Variants in MRTFB observed in about 807,000 individuals in gnomAD.
The protein encoded by MRTFB is myocardin related transcription factor B.
In MRTFB, 29 loss-of-function variants were observed where a neutral mutation model predicts 104.2. The observed-to-expected ratio is 0.28, with a 90% CI of 0.21 to 0.38. The LOEUF (loss-of-function observed/expected upper bound fraction) is 0.38. Ranked by LOEUF, MRTFB falls within the 10% of genes least tolerant of loss-of-function variation. The pLI, the probability that MRTFB is intolerant of heterozygous loss-of-function variation, is 1.00. For synonymous variants in MRTFB, 535 were observed against 519.5 expected, an observed-to-expected ratio of 1.03 and a Z score of -0.41; for missense variants, 1,270 against 1,341.6, an observed-to-expected ratio of 0.95 and a Z score of 0.83.
At chr16:14,234,412 TAAGCCATGCA>T in intron 9 of MRTFB, 129 bp downstream of exon 9, 1 of 1,109,650 alleles carries the variant, frequency 9.0e-7, no homozygotes. Flanking sequence ...TCTTAAAAAC[TAAGCCATGCA>T]AAGACTTGCT....
At chr16:14,228,975 A>G (rs979795242) in intron 8 of MRTFB, among the ~76,000 whole-genome samples, 5 of 152,244 alleles carry the variant, frequency 3.3e-5, no homozygotes, top group African/African-American at 1.2e-4. Context: ...GGGAACATGA[A>G]CAAGTCTGGA....
chr16:14,121,650 T>G (rs945698476), intron 2 of MRTFB, among the ~76,000 whole-genome samples: 1 of 152,172 alleles, frequency 6.6e-6, no homozygotes, highest in Non-Finnish European at 1.5e-5. Context: ...AGCGTTTTTG[T>G]TTTTGTTTTT....
chr16:14,011,119 C>G, the MRTFB span, among the ~76,000 whole-genome samples: 2 of 152,238 alleles, frequency 1.3e-5, no homozygotes, highest in Non-Finnish European at 2.9e-5. Context: ...CTTCCCTTTT[C>G]TGGTTTTCCC....
intron 2 of MRTFB, among the ~76,000 whole-genome samples, chr16:14,113,644 C>T (rs1187668761): frequency 1.3e-5 from 2 of 152,054 alleles, no homozygotes; most frequent in African/African-American, 4.8e-5. Flanking sequence ...GGAATTCCAG[C>T]TCCTAGCTCG....
intron 8 of MRTFB, among the ~76,000 whole-genome samples, chr16:14,231,877 T>C (rs2042284599): frequency 6.6e-6 from 1 of 152,184 alleles, no homozygotes; most frequent in Admixed American, 6.5e-5. Context: ...CTGGCAAAAT[T>C]AGAAGTTTTG....
chr16:14,130,101 G>A (rs920751568), intron 2 of MRTFB, among the ~76,000 whole-genome samples: 1 of 152,176 alleles, frequency 6.6e-6, no homozygotes, highest in African/African-American at 2.4e-5. Context: ...AAGGTGCTGG[G>A]ATTACTGGTG....
At position 14,263,095 on chromosome 16, in the gene MRTFB, C is replaced by A. The variant is rs2043830067; in HGVS notation, c.*1651C>A. The stretch of plus-strand genomic sequence containing the variant: ...CTTTTCCAGCATGAGCACACTGGAG[C>A]CCTCTGCTCACTGGCACTTCCTGAC... On this transcript the variant is annotated 3_prime_UTR_variant, in exon 17 of 17. Transcript: ENST00000571589. 3 of 152,430 alleles carry A rather than the reference C, an allele frequency of 2.0e-5. No homozygotes were observed. In the South Asian group the frequency reaches 6.2e-4, roughly 32 times the overall value. The allele number at this position is 152,430 out of a possible 1,614,324, so 9.4% of individuals were successfully genotyped here.
chr16:14,235,526 T>TA (rs1211887520), intron 9 of MRTFB, among the ~76,000 whole-genome samples: 3 of 152,236 alleles, frequency 2.0e-5, no homozygotes, highest in Non-Finnish European at 4.4e-5. Context: ...AGGAAGGCTT[T>TA]GGTTCTAGAG....
At chr16:14,017,711 A>ATATATATATATATT in the MRTFB span, among the ~76,000 whole-genome samples, 10 of 33,612 alleles carry the variant, frequency 3.0e-4, 1 homozygote, top group Admixed American at 4.1e-4. Context: ...ATATATATAT[A>ATATATATATATATT]TTTTTTTTTT....
At position 14,210,278 on chromosome 16, in the gene MRTFB, G is replaced by A; in HGVS notation, c.190G>A (p.Glu64Lys). Residue 64 changes from glutamate (E) to lysine (K), a missense_variant, in exon 4 of 17, where the codon GAA becomes AAA. By Grantham distance (56) the Glu-to-Lys change is moderately conservative. Transcript: ENST00000571589. ...GAGGCTGCAACAAAGGAGGACGAGA[G>A]AACAACTAGTGGACCAGGGCATCAT... Reference protein sequence around the residue: ...QLRLQQRRTREQLVDQGIMPP... With the variant: ...QLRLQQRRTRKQLVDQGIMPP... 6.2e-7 allele frequency: 1 copy of A among 1,613,310 alleles called. No individual in the cohort carries two copies. The highest frequency in any genetic ancestry group is 8.5e-7 in the Non-Finnish European group (1 of 1,179,544).
In MRTFB at chr16:14,261,348, C is replaced by T; in HGVS notation, c.3204C>T (p.Asn1068=). ...AGTGGTTGGACATTACCATGCCCAA[C>T]TCCTCTTCAGGACTCACTCCTCTCA... ...NMEWLDITMP[N]SSSGLTPLST... The change falls in exon 17 of 17, where the codon AAC becomes AAT. Residue 1068 remains asparagine, a synonymous_variant. Transcript: ENST00000571589. The T allele has an allele frequency of 6.2e-7, 1 of 1,614,184 alleles. No homozygotes were observed. Among genetic ancestry groups the T allele is most frequent in the Non-Finnish European group, 8.5e-7 (1 of 1,180,030 alleles).
At chr16:14,187,097 C>T (rs935839031) in intron 3 of MRTFB, 59 of 1,392,246 alleles carry the variant, frequency 4.2e-5, no homozygotes, top group Non-Finnish European at 5.5e-5. Context: ...GCCAGCTGAG[C>T]GTGTCTGTCT....
intron 3 of MRTFB, among the ~76,000 whole-genome samples, chr16:14,167,344 C>G (rs1191160393): frequency 1.3e-5 from 2 of 151,542 alleles, no homozygotes; most frequent in African/African-American, 4.8e-5. Context: ...CCTTTGCCTA[C>G]TTTTTAATGT....
At chr16:14,232,931 CA>C (rs1420023068) in intron 8 of MRTFB, among the ~76,000 whole-genome samples, 11 of 152,132 alleles carry the variant, frequency 7.2e-5, no homozygotes, top group African/African-American at 2.7e-4. Context: ...AAGAGTTGTT[CA>C]GGGAAGTGGA....
chr16:14,211,654 C>G (rs1361166521), intron 4 of MRTFB, among the ~76,000 whole-genome samples: 1 of 152,176 alleles, frequency 6.6e-6, no homozygotes, highest in African/African-American at 2.4e-5. Context: ...TACCCTCACA[C>G]TAGGATTCCA....
chr16:14,134,389 T>C (rs1478195388), intron 2 of MRTFB, among the ~76,000 whole-genome samples: 1 of 152,264 alleles, frequency 6.6e-6, no homozygotes, highest in African/African-American at 2.4e-5. Flanking sequence ...ATGTCCTGTT[T>C]ATATGTAGTG....
At chr16:14,070,247 A>C (rs1331522573), upstream of MRTFB, among the ~76,000 whole-genome samples, 1 of 152,220 alleles carries the variant, frequency 6.6e-6, no homozygotes, top group Non-Finnish European at 1.5e-5. Flanking sequence ...ACTCAGACCC[A>C]GGTTCAAATC....
chr16:14,247,301 A>G lies in MRTFB; in HGVS notation c.2041A>G (p.Lys681Glu), dbSNP rs2043060913. The G allele has an allele frequency of 6.2e-7, 1 of 1,614,108 alleles. No individual in the cohort carries two copies. The highest frequency in any genetic ancestry group is 8.5e-7 in the Non-Finnish European group (1 of 1,180,048). Reference sequence around the variant, plus strand: ...TGTTGCCAAAAAGGCTGTAGTTATCAAGCAAGAGGTCCCTGTGGGCCAGGC... The same window carrying G: ...TGTTGCCAAAAAGGCTGTAGTTATCGAGCAAGAGGTCCCTGTGGGCCAGGC... ...TLVAKKAVVI[K>E]QEVPVGQAEQ... The change falls in exon 12 of 17, where the codon AAG (lysine) becomes GAG (glutamate). Residue 681 changes from lysine (K) to glutamate (E), a missense_variant. Physicochemically the swap from Lys to Glu is moderately conservative, Grantham distance 56. Transcript: ENST00000571589.
At position 14,247,862 on chromosome 16, in the gene MRTFB, C is replaced by T. The variant is rs763112295; in HGVS notation, c.2247+355C>T. On this transcript the variant is annotated intron_variant, in intron 12 of 16. Coordinates refer to ENST00000571589, the MANE Select transcript of MRTFB (RefSeq NM_001308142.2). ...ATCTAGTACTTTAAATGGCCGGCTT[C>T]ACTTAATCCTCCCTTCTCCTAGAAG... The T allele has an allele frequency of 1.1e-3, 224 of 206,150 alleles. 3 individuals carry two copies. Among genetic ancestry groups the T allele is most frequent in the Middle Eastern group, 1.9e-3 (1 of 530 alleles). 12.8% of individuals were successfully genotyped at this position (206,150 alleles called of 1,614,324 possible).
Sources: gnomAD v4.1 joint callset for allele counts (sites outside exome capture counted in the v4.1 genomes callset) on GRCh38, gnomAD v4.1.1 for gene constraint, MANE v1.5 for transcripts, NCBI Gene and HGNC (gene_info 2026-07-23, HGNC 2026-07-21) for gene names.